ADCY2: variants seen among roughly 807,000 people sequenced by gnomAD.
ADCY2 encodes adenylate cyclase 2.
In ADCY2, 31 loss-of-function variants were observed where a neutral mutation model predicts 125.2. That is an observed-to-expected ratio of 0.25 (90% CI 0.19 to 0.33). The LOEUF is 0.33. ADCY2 is among the 10% of genes least tolerant of loss of function. The pLI is 1.00. For synonymous variants in ADCY2, 512 were observed against 548.4 expected, an observed-to-expected ratio of 0.93 and a Z score of 0.93; for missense variants, 904 against 1,418.2, an observed-to-expected ratio of 0.64 and a Z score of 5.82.
intron 1 of ADCY2, among the ~76,000 whole-genome samples, chr5:7,413,355 C>T (rs1233075372): frequency 2.6e-5 from 4 of 152,048 alleles, no homozygotes; most frequent in East Asian, 1.9e-4. Context: ...AGTGCAGTGG[C>T]GCGCTCACGG....
chr5:7,442,282 C>T (rs1176299193), intron 2 of ADCY2, among the ~76,000 whole-genome samples: 1 of 152,154 alleles, frequency 6.6e-6, no homozygotes, highest in Non-Finnish European at 1.5e-5. Context: ...CTCTAAATTG[C>T]TCATCTTACA....
intron 24 of ADCY2, among the ~76,000 whole-genome samples, chr5:7,823,832 A>G (rs1009480889): frequency 1.3e-5 from 2 of 152,172 alleles, no homozygotes; most frequent in African/African-American, 2.4e-5. Context: ...GATGTTTGAA[A>G]TGAGTTTGAG....
chr5:7,506,012 G>T (rs766531303), intron 2 of ADCY2, among the ~76,000 whole-genome samples: 5 of 149,008 alleles, frequency 3.4e-5, no homozygotes, highest in Non-Finnish European at 7.4e-5. Flanking sequence ...CCACTTCTGA[G>T]ATGGTACAAT....
chr5:7,576,651 C>A lies in ADCY2; in HGVS notation c.571-49516C>A, dbSNP rs570812409. Among the ~76,000 whole-genome samples the A allele has an allele frequency of 4.6e-5, 7 of 152,230 alleles. No homozygotes were observed. The East Asian group carries it at 1.3e-3, about 29-fold the overall frequency. ...ACATATTATTTTGTTTTAAATGAAC[C>A]AAACTGTGCTGTTTTTTCTTTGCAG... On this transcript the variant is annotated intron_variant, in intron 3 of 24. Coordinates refer to ENST00000338316, the MANE Select transcript of ADCY2 (RefSeq NM_020546.3).
rs113915615 is a variant in ADCY2 at position 7,644,903 on chromosome 5, G to A, written c.720+18587G>A. Among the ~76,000 whole-genome samples, 262 of 152,262 alleles carry A rather than the reference G, an allele frequency of 1.7e-3. 1 individual carries two copies. Among genetic ancestry groups the A allele is most frequent in the African/African-American group, 5.9e-3 (247 of 41,558 alleles). On this transcript the variant is annotated intron_variant, in intron 4 of 24. Transcript: ENST00000338316. The stretch of plus-strand genomic sequence containing the variant: ...TATTAATCCTCCCAAGGCACAGTTA[G>A]TCTCAGAACAAGGGCGAGTCTGTTA...
intron 2 of ADCY2, among the ~76,000 whole-genome samples, chr5:7,489,065 C>T (rs944975304): frequency 6.6e-6 from 1 of 152,196 alleles, no homozygotes; most frequent in Admixed American, 6.5e-5. Context: ...ATGCAAAACA[C>T]AGACTTTCCT....
intron 7 of ADCY2, among the ~76,000 whole-genome samples, chr5:7,704,341 C>G (rs759602894): frequency 1.3e-5 from 2 of 152,164 alleles, no homozygotes; most frequent in Non-Finnish European, 2.9e-5. Context: ...CCCTGCTAGC[C>G]CAGGCACCAC....
At chr5:7,596,368 C>G (rs895607121) in intron 3 of ADCY2, among the ~76,000 whole-genome samples, 4 of 152,108 alleles carry the variant, frequency 2.6e-5, no homozygotes, top group African/African-American at 9.7e-5. Context: ...CGTTTCCTCA[C>G]TAACAATACA....
chr5:7,672,316 T>C (rs188258989), intron 4 of ADCY2, among the ~76,000 whole-genome samples: 22 of 152,356 alleles, frequency 1.4e-4, no homozygotes, highest in African/African-American at 5.3e-4. Flanking sequence ...ATAAACTTTA[T>C]TGTCCTTAAT....
intron 2 of ADCY2, among the ~76,000 whole-genome samples, chr5:7,498,241 T>G (rs796751260): frequency 0.016 from 1,454 of 90,180 alleles, 30 homozygotes; most frequent in African/African-American, 0.061. Flanking sequence ...CTTTTTTCGT[T>G]TTTTTTTTTT....
chr5:7,468,818 G>A (rs567307460), intron 2 of ADCY2, among the ~76,000 whole-genome samples: 2 of 152,216 alleles, frequency 1.3e-5, no homozygotes, highest in South Asian at 4.1e-4. Flanking sequence ...TCAAGTCATT[G>A]GAAACCAAAT....
intron 3 of ADCY2, among the ~76,000 whole-genome samples, chr5:7,532,272 A>G (rs868433274): frequency 5.9e-5 from 9 of 152,204 alleles, no homozygotes; most frequent in Admixed American, 1.3e-4. Context: ...GTTCACATTA[A>G]AGAGAAAGAA....
At chr5:7,590,446 T>G (rs1313739090) in intron 3 of ADCY2, among the ~76,000 whole-genome samples, 1 of 152,214 alleles carries the variant, frequency 6.6e-6, no homozygotes, top group Non-Finnish European at 1.5e-5. Context: ...AAAATAGTTT[T>G]ATAATCATGT....
intron 3 of ADCY2, among the ~76,000 whole-genome samples, chr5:7,560,536 C>T (rs907594719): frequency 2.6e-5 from 4 of 151,738 alleles, no homozygotes; most frequent in Admixed American, 2.6e-4. Flanking sequence ...ATAGTGTTGA[C>T]CCTTTATGCA....
chr5:7,795,850 T>C (rs1429103105), intron 20 of ADCY2: 1 of 149,034 alleles, frequency 6.7e-6, no homozygotes, highest in East Asian at 1.9e-4. Context: ...AAGTATTCAA[T>C]AGCATGATGT....
chr5:7,759,249 A>C (rs6555494), intron 16 of ADCY2, among the ~76,000 whole-genome samples: 148,795 of 152,230 alleles, frequency 0.98, 72,748 homozygotes, highest in East Asian at 1. Flanking sequence ...TCCCAGCTCC[A>C]TTTCAGGAGC....
intron 2 of ADCY2, among the ~76,000 whole-genome samples, chr5:7,418,535 C>T (rs1260474112): frequency 2.0e-5 from 3 of 151,876 alleles, no homozygotes; most frequent in African/African-American, 7.3e-5. Flanking sequence ...GGAGAGACAT[C>T]GAGTCCTGCC....
At chr5:7,720,537 T>C (rs540385125) in intron 12 of ADCY2, among the ~76,000 whole-genome samples, 1 of 151,806 alleles carries the variant, frequency 6.6e-6, no homozygotes, top group African/African-American at 2.4e-5. Context: ...CCTAATGCTA[T>C]CCTCCCCTCT....
chr5:7,403,461 A>G (rs934796822), intron 1 of ADCY2, among the ~76,000 whole-genome samples: 2 of 152,212 alleles, frequency 1.3e-5, no homozygotes, highest in Admixed American at 6.5e-5. Flanking sequence ...TTAGGTGCAT[A>G]AAATAGAATT....
Sources: allele counts gnomAD v4.1 joint callset (sites outside exome capture counted in the v4.1 genomes callset), GRCh38; gene constraint gnomAD v4.1.1; transcripts MANE v1.5; gene names NCBI Gene and HGNC (gene_info 2026-07-23, HGNC 2026-07-21).